The following PRKCQ variants were observed in gnomAD, a reference collection of about 807,000 sequenced individuals.
PRKCQ encodes protein kinase C theta type.
A neutral mutation model predicts 91.2 loss-of-function variants in PRKCQ; 41 were observed. That is an observed-to-expected ratio of 0.45 (90% confidence interval 0.35 to 0.58). The LOEUF is 0.58. PRKCQ is among the 20% of genes least tolerant of loss of function. The pLI is 0.00. For missense variants in PRKCQ, 673 were observed against 896.5 expected (o/e 0.75, Z 3.18); for synonymous variants, 307 against 316.9 (o/e 0.97, Z 0.33).
chr10:6,452,212 A>G (rs573448669), intron 15 of PRKCQ, among the ~76,000 whole-genome samples: 191 of 152,358 alleles, frequency 1.3e-3, no homozygotes, highest in African/African-American at 4.5e-3. Flanking sequence ...TAAGCTGATA[A>G]GCAACTTCAG....
At chr10:6,521,165 A>C (rs897065968) in intron 1 of PRKCQ, among the ~76,000 whole-genome samples, 2 of 152,168 alleles carry the variant, frequency 1.3e-5, no homozygotes, top group African/African-American at 4.8e-5. Context: ...TTCCGAGAGA[A>C]GGGGCCATGA....
At chr10:6,530,602 A>G (rs1005871744) in intron 1 of PRKCQ, among the ~76,000 whole-genome samples, 5 of 152,092 alleles carry the variant, frequency 3.3e-5, no homozygotes, top group Non-Finnish European at 7.4e-5. Flanking sequence ...GCACCGGGGG[A>G]AGAGAAAGAA....
intron 16 of PRKCQ, among the ~76,000 whole-genome samples, chr10:6,434,123 G>A (rs1304819864): frequency 6.6e-6 from 1 of 151,690 alleles, no homozygotes; most frequent in East Asian, 1.9e-4. Flanking sequence ...TAAATGATTG[G>A]TCTCTGCTTC....
chr10:6,502,849 T>A (rs948763056), intron 4 of PRKCQ, among the ~76,000 whole-genome samples: 1 of 152,124 alleles, frequency 6.6e-6, no homozygotes, highest in Non-Finnish European at 1.5e-5. Flanking sequence ...ACAAAAGAAA[T>A]AGGTTACTCG....
rs1835326608 is a variant in PRKCQ, at chr10:6,461,168, T to C, written c.1508+1135A>G. On this transcript the variant is annotated intron_variant, in intron 14 of 17. Transcript: ENST00000263125. ...ATCCATCCATTCAACCATCTGTTCA[T>C]CCATTCATCATTCATCCATCATTTG... is the stretch of plus-strand genomic sequence containing the variant. Among the ~76,000 whole-genome samples the C allele has an allele frequency of 3.3e-5, 5 of 151,846 alleles. 1 individual carries two copies. In the South Asian group the frequency reaches 8.4e-4, roughly 25 times the overall value.
chr10:6,395,897 C>A, the PRKCQ span, among the ~76,000 whole-genome samples: 1 of 152,130 alleles, frequency 6.6e-6, no homozygotes, highest in Non-Finnish European at 1.5e-5. Flanking sequence ...CTTCTCTGCT[C>A]CCACTCTATT....
intron 1 of PRKCQ, among the ~76,000 whole-genome samples, chr10:6,562,135 C>T (rs1388780607): frequency 6.6e-6 from 1 of 152,070 alleles, no homozygotes; most frequent in Non-Finnish European, 1.5e-5. Flanking sequence ...GAGGTGGACG[C>T]TCGTGGGTAA....
rs1835522506 is a variant in PRKCQ at position 6,464,389 on chromosome 10, C to T, written c.1369G>A (p.Val457Met). 6.2e-7 allele frequency: 1 copy of T among 1,601,476 alleles called. No individual in the cohort carries two copies. The highest frequency in any genetic ancestry group is 8.5e-7 in the Non-Finnish European group (1 of 1,176,940). Residue 457 changes from valine (V) to methionine (M), a missense_variant, in exon 13 of 18, where the codon GTG becomes ATG. By Grantham distance (21) the Val-to-Met change is conservative. Coordinates refer to ENST00000263125, the MANE Select transcript of PRKCQ (RefSeq NM_006257.5). ...TFQTKENLFF[V>M]MEYLNGGDLM... The stretch of plus-strand genomic sequence containing the variant: ...TCCCCTCCGTTGAGGTACTCCATCA[C>T]AAAAAAGAGGTTTTCCTGTGGAAAA...
rs1382071645 is a variant in PRKCQ at position 6,430,665 on chromosome 10, G to A, written c.1965+145C>T. On this transcript the variant is annotated intron_variant, in intron 17 of 17. Transcript: ENST00000263125. The surrounding 1 kb of genome is among the most constrained non-coding windows in gnomAD (Gnocchi z 4.7). ...CCCACCAGCCCAGTAACATGTGTTAGAGACGTGCATTCCTCCTGGAGAGTG... is the reference window on the plus strand; with the variant it reads ...CCCACCAGCCCAGTAACATGTGTTAAAGACGTGCATTCCTCCTGGAGAGTG... 2 of 1,224,148 alleles carry A rather than the reference G, an allele frequency of 1.6e-6. No individual in the cohort carries two copies. The highest frequency in any genetic ancestry group is 2.3e-6 in the Non-Finnish European group (2 of 879,464). The allele number at this position is 1,224,148 out of a possible 1,614,324, so 75.8% of individuals were successfully genotyped here. A position where few individuals can be genotyped will look rare whatever the true frequency, so the allele number is the denominator to read the frequency against.
chr10:6,418,505 G>A, the PRKCQ span, among the ~76,000 whole-genome samples: 980 of 28,462 alleles, frequency 0.034, 7 homozygotes, highest in African/African-American at 0.089. Context: ...CAGAAAAGAG[G>A]AAGGAATACC....
chr10:6,520,173 A>G (rs1359174508), intron 1 of PRKCQ, among the ~76,000 whole-genome samples: 1 of 152,150 alleles, frequency 6.6e-6, no homozygotes, highest in Non-Finnish European at 1.5e-5. Flanking sequence ...GGAAATCTCC[A>G]AGGGGACCCC....
chr10:6,469,826 T>G (rs999277585), intron 12 of PRKCQ, among the ~76,000 whole-genome samples: 1 of 152,120 alleles, frequency 6.6e-6, no homozygotes, highest in Non-Finnish European at 1.5e-5. Context: ...AATCATTAGT[T>G]GTCAATGGAA....
At chr10:6,445,009 A>G (rs111741545) in intron 15 of PRKCQ, among the ~76,000 whole-genome samples, 30,170 of 151,474 alleles carry the variant, frequency 0.2, 3,832 homozygotes, top group Non-Finnish European at 0.27. Flanking sequence ...CTGTAATCCC[A>G]GCTACTCGGG....
At chr10:6,498,656 G>C (rs1268004068) in intron 4 of PRKCQ, 98 bp from the exon 5 acceptor site, 1 of 1,221,904 alleles carries the variant, frequency 8.2e-7, no homozygotes, top group Non-Finnish European at 1.2e-6. Context: ...AAGGGATGGA[G>C]GAGGACCAGC....
At chr10:6,570,553 CTTTTTTT>C (rs34824156) in intron 1 of PRKCQ, among the ~76,000 whole-genome samples, 3 of 135,210 alleles carry the variant, frequency 2.2e-5, no homozygotes, top group African/African-American at 5.5e-5. Flanking sequence ...TAAGGGGCTT[CTTTTTTT>C]TTTTTTTTTT....
intron 1 of PRKCQ, 57 bp from the exon 2 acceptor site, chr10:6,515,201 G>A (rs776752712): frequency 6.2e-7 from 1 of 1,606,194 alleles, no homozygotes; most frequent in Non-Finnish European, 8.5e-7. Context: ...ATTATTTTTG[G>A]TGCCCCATGT....
chr10:6,496,117 G>A (rs1259360889), intron 7 of PRKCQ, among the ~76,000 whole-genome samples: 2 of 150,688 alleles, frequency 1.3e-5, no homozygotes, highest in Non-Finnish European at 2.9e-5. Context: ...TCAGGAGGCT[G>A]AGGCAGGAGA....
At chr10:6,555,836 C>T (rs1840389640) in intron 1 of PRKCQ, among the ~76,000 whole-genome samples, 1 of 151,864 alleles carries the variant, frequency 6.6e-6, no homozygotes, top group Non-Finnish European at 1.5e-5. Context: ...ATGGCAAAAC[C>T]ACGTCTCTAC....
At chr10:6,525,421 T>A (rs573590325) in intron 1 of PRKCQ, among the ~76,000 whole-genome samples, 1 of 152,234 alleles carries the variant, frequency 6.6e-6, no homozygotes, top group Admixed American at 6.5e-5. Context: ...CTACTAAAAA[T>A]ACTTTTTAAA....
Sources: gnomAD v4.1 joint callset for allele counts (sites outside exome capture counted in the v4.1 genomes callset) on GRCh38, gnomAD v4.1.1 for gene constraint, Gnocchi (gnomAD v3.1) non-coding constraint, MANE v1.5 for transcripts, NCBI Gene and HGNC (gene_info 2026-07-23, HGNC 2026-07-21) for gene names.